Variants in SDK1 observed in about 807,000 individuals in gnomAD.
SDK1 encodes sidekick cell adhesion molecule 1.
Under a neutral mutation model 245.5 loss-of-function variants are expected in SDK1, and 157 were observed. The observed-to-expected ratio is 0.64, with a 90% CI of 0.56 to 0.73. The LOEUF is 0.73. Ranked by LOEUF, SDK1 falls within the 30% of genes least tolerant of loss-of-function variation. The pLI, the probability that SDK1 is intolerant of heterozygous loss-of-function variation, is 0.00. For synonymous variants in SDK1, 1,647 were observed against 1,278.5 expected, an observed-to-expected ratio of 1.29 and a Z score of -6.15; for missense variants, 3,583 against 3,002.3, an observed-to-expected ratio of 1.19 and a Z score of -4.52.
intron 26 of SDK1, among the ~76,000 whole-genome samples, chr7:4,129,247 G>A (rs564011490): frequency 3.9e-4 from 57 of 147,048 alleles, no homozygotes; most frequent in African/African-American, 1.3e-3. Flanking sequence ...TTGGGGTGGG[G>A]TGCCCTGGAG....
chr7:3,761,757 T>G (rs554661649), intron 4 of SDK1, among the ~76,000 whole-genome samples: 11 of 151,930 alleles, frequency 7.2e-5, no homozygotes, highest in African/African-American at 2.7e-4. Flanking sequence ...ATTATAGTTA[T>G]GAAATCATGC....
At chr7:3,646,627 A>C (rs895155658) in intron 4 of SDK1, among the ~76,000 whole-genome samples, 2 of 152,152 alleles carry the variant, frequency 1.3e-5, no homozygotes, top group African/African-American at 2.4e-5. Context: ...GATCAGCCTG[A>C]TTCTTTCCAC....
chr7:3,396,034 G>T (rs966232449), intron 1 of SDK1, among the ~76,000 whole-genome samples: 1 of 151,482 alleles, frequency 6.6e-6, no homozygotes, highest in African/African-American at 2.4e-5. Context: ...ACATTTTAAA[G>T]GTGAATTCTT....
chr7:3,616,286 T>C (rs532252542), intron 1 of SDK1, among the ~76,000 whole-genome samples: 2 of 152,338 alleles, frequency 1.3e-5, no homozygotes, highest in East Asian at 3.9e-4. Context: ...ACGTTGTTAA[T>C]ACTCGGACAC....
At chr7:3,968,452 C>G (rs1265909345) in intron 10 of SDK1, among the ~76,000 whole-genome samples, 1 of 152,224 alleles carries the variant, frequency 6.6e-6, no homozygotes, top group Admixed American at 6.5e-5. Context: ...CACCTGGCAG[C>G]TTCTCGACTC....
At chr7:4,216,574 A>G (rs1025264179) in intron 38 of SDK1, among the ~76,000 whole-genome samples, 13 of 152,260 alleles carry the variant, frequency 8.5e-5, no homozygotes, top group African/African-American at 2.9e-4. Context: ...GTCCCAGGGA[A>G]ACAGTTGCAA....
Position 3,378,753 on chromosome 7 carries a change from G to T in SDK1, c.298+76869G>T, listed in dbSNP as rs1009739431. On this transcript the variant is annotated intron_variant, in intron 1 of 44. Coordinates refer to ENST00000404826, the MANE Select transcript of SDK1 (RefSeq NM_152744.4). ...CAGGAGCTCAGCTTCAGGTGACTTT[G>T]CAGGGGAAGGGCAGGGAGCATATAG... Among the ~76,000 whole-genome samples the T allele has an allele frequency of 2.0e-5, 3 of 152,106 alleles. No individual in the cohort carries two copies. In the South Asian group the frequency reaches 6.2e-4, roughly 32 times the overall value.
At chr7:4,135,910 G>C (rs907122350) in intron 28 of SDK1, among the ~76,000 whole-genome samples, 1 of 152,216 alleles carries the variant, frequency 6.6e-6, no homozygotes, top group African/African-American at 2.4e-5. Context: ...TGCAGCAGTG[G>C]TGTGCTGCCT....
chr7:3,936,533 C>T (rs1490625996), intron 5 of SDK1, among the ~76,000 whole-genome samples: 1 of 151,248 alleles, frequency 6.6e-6, no homozygotes, highest in Non-Finnish European at 1.5e-5. Context: ...TGCAATGACC[C>T]TAGATCACGC....
At position 3,367,969 on chromosome 7, in the gene SDK1, T is replaced by C. The variant is rs1781132791; in HGVS notation, c.298+66085T>C. Among the ~76,000 whole-genome samples, 3 of 152,228 alleles carry C rather than the reference T, an allele frequency of 2.0e-5. No individual in the cohort carries two copies. In the South Asian group the frequency reaches 6.2e-4, roughly 31 times the overall value. ...GCATGTTGATGGAGCTTGACTCTCT[T>C]CCCTGTAAGGATGAACATTGCAGAA... On this transcript the variant is annotated intron_variant, in intron 1 of 44. Transcript: ENST00000404826.
At chr7:3,884,808 A>G (rs1357455412) in intron 5 of SDK1, among the ~76,000 whole-genome samples, 4 of 152,210 alleles carry the variant, frequency 2.6e-5, no homozygotes, top group African/African-American at 4.8e-5. Flanking sequence ...GTGAAGGACA[A>G]GGTAACTCCT....
intron 5 of SDK1, among the ~76,000 whole-genome samples, chr7:3,936,556 G>A (rs1025846090): frequency 6.6e-6 from 1 of 150,466 alleles, no homozygotes; most frequent in Non-Finnish European, 1.5e-5. Flanking sequence ...CAGCACTCCA[G>A]CCTGTGTGAC....
chr7:3,967,704 A>G (rs1043025798), intron 10 of SDK1, among the ~76,000 whole-genome samples: 6 of 152,234 alleles, frequency 3.9e-5, no homozygotes, highest in African/African-American at 9.6e-5. Flanking sequence ...GGGAGTGTGC[A>G]GCCTAGATCC....
intron 1 of SDK1, among the ~76,000 whole-genome samples, chr7:3,515,455 T>C (rs1468288295): frequency 6.6e-6 from 1 of 152,186 alleles, no homozygotes; most frequent in African/African-American, 2.4e-5. Flanking sequence ...GTGCTAAAAC[T>C]ATCATAATTT....
intron 14 of SDK1, among the ~76,000 whole-genome samples, chr7:4,003,590 T>C (rs1223719326): frequency 6.6e-6 from 1 of 152,202 alleles, no homozygotes; most frequent in Non-Finnish European, 1.5e-5. Context: ...TTATGGGGCT[T>C]TGGGAAGAAG....
chr7:4,155,759 A>G (rs4723433), intron 30 of SDK1, among the ~76,000 whole-genome samples: 66,658 of 151,996 alleles, frequency 0.44, 15,619 homozygotes, highest in East Asian at 0.77. Context: ...TCCTTATTCA[A>G]TCCTTCCACC....
At chr7:3,604,199 A>T (rs1007423030) in intron 1 of SDK1, among the ~76,000 whole-genome samples, 3 of 152,206 alleles carry the variant, frequency 2.0e-5, no homozygotes, top group African/African-American at 7.2e-5. Context: ...TGGCCTCATA[A>T]AATGAGTTAG....
chr7:3,493,205 C>G (rs1021545938), intron 1 of SDK1, among the ~76,000 whole-genome samples: 5 of 152,254 alleles, frequency 3.3e-5, no homozygotes, highest in Admixed American at 3.3e-4. Context: ...CACACCTCGG[C>G]CTCCCAAAGT....
intron 4 of SDK1, among the ~76,000 whole-genome samples, chr7:3,691,737 A>T (rs1235854863): frequency 6.6e-6 from 1 of 152,238 alleles, no homozygotes; most frequent in African/African-American, 2.4e-5. Context: ...AATGCGTAGA[A>T]GTCAGAGATT....
Sources: allele counts gnomAD v4.1 joint callset (sites outside exome capture counted in the v4.1 genomes callset), GRCh38; gene constraint gnomAD v4.1.1; transcripts MANE v1.5; gene names NCBI Gene and HGNC (gene_info 2026-07-23, HGNC 2026-07-21).